PRKN: variants seen among roughly 807,000 people sequenced by gnomAD.
PRKN encodes the protein E3 ubiquitin-protein ligase parkin.
A neutral mutation model predicts 59.5 loss-of-function variants in PRKN; 56 were observed. The observed-to-expected ratio is 0.94, with a 90% CI of 0.76 to 1.18. The LOEUF (loss-of-function observed/expected upper bound fraction) is 1.18. Among genes scored for constraint, PRKN ranks in the 50% most tolerant of loss-of-function variants. PRKN has a pLI of 0.00. For synonymous variants in PRKN, 250 were observed against 222.1 expected (o/e 1.13, Z -1.12); for missense variants, 657 against 596.4 (o/e 1.10, Z -1.06).
intron 6 of PRKN, among the ~76,000 whole-genome samples, chr6:161,827,686 T>C (rs563356139): frequency 2.4e-4 from 37 of 152,128 alleles, no homozygotes; most frequent in African/African-American, 8.7e-4. Context: ...TTTTGTATTT[T>C]TAATAGAGAT....
chr6:162,356,946 C>A (rs1413330467), intron 2 of PRKN, among the ~76,000 whole-genome samples: 1 of 151,956 alleles, frequency 6.6e-6, no homozygotes, highest in Admixed American at 6.6e-5. Flanking sequence ...TAAATCATTA[C>A]AGTTTACATC....
chr6:162,422,762 T>C (rs200915990), intron 2 of PRKN, among the ~76,000 whole-genome samples: 1 of 151,906 alleles, frequency 6.6e-6, no homozygotes, highest in East Asian at 1.9e-4. Context: ...CCAGGCAACA[T>C]GGTGAAACCC....
rs553911147 is a variant in PRKN, at chr6:162,405,736, C to T, written c.171+37574G>A. 7.9e-5 allele frequency among the ~76,000 whole-genome samples: 12 copies of T among 152,136 alleles called. No individual in the cohort carries two copies. In the East Asian group the frequency reaches 1.2e-3, roughly 15 times the overall value. ...TGGCGTTGCAGGAGCCCAGAAGAAA[C>T]GCTACGCGGGGGTGTAGTGAGAATG... is the stretch of plus-strand genomic sequence containing the variant. On this transcript the variant is annotated intron_variant, in intron 2 of 11. Coordinates refer to ENST00000366898, the MANE Select transcript of PRKN (RefSeq NM_004562.3).
chr6:162,348,339 C>T (rs1411930829), intron 2 of PRKN, among the ~76,000 whole-genome samples: 1 of 152,000 alleles, frequency 6.6e-6, no homozygotes, highest in Non-Finnish European at 1.5e-5. Flanking sequence ...TAACTCGGTC[C>T]CAGAACAACG....
At chr6:162,195,903 C>T (rs571380784) in intron 4 of PRKN, among the ~76,000 whole-genome samples, 20 of 152,162 alleles carry the variant, frequency 1.3e-4, no homozygotes, top group Non-Finnish European at 2.8e-4. Context: ...TATTTCAAGA[C>T]CAGATGCTGT....
At chr6:161,914,761 C>T (rs918148157) in intron 6 of PRKN, among the ~76,000 whole-genome samples, 6 of 151,734 alleles carry the variant, frequency 4.0e-5, no homozygotes, top group African/African-American at 1.5e-4. Flanking sequence ...AAAAGAAAAG[C>T]ACATCCCCTG....
intron 4 of PRKN, among the ~76,000 whole-genome samples, chr6:162,113,019 T>C (rs1047808419): frequency 1.3e-5 from 2 of 152,168 alleles, no homozygotes; most frequent in East Asian, 3.9e-4. Context: ...AATACTTTCA[T>C]TTTCATGAAA....
chr6:162,236,268 T>C (rs1274652370), intron 3 of PRKN, among the ~76,000 whole-genome samples: 1 of 152,218 alleles, frequency 6.6e-6, no homozygotes, highest in Non-Finnish European at 1.5e-5. Context: ...AATGATTAGC[T>C]GGATTGCTTG....
chr6:162,303,318 C>T (rs9458503), intron 2 of PRKN, among the ~76,000 whole-genome samples: 18,680 of 152,114 alleles, frequency 0.12, 2,456 homozygotes, highest in African/African-American at 0.33. Context: ...TCACCTAAGA[C>T]AGCAAGTCTA....
chr6:161,917,388 G>A (rs1362929433), intron 6 of PRKN, among the ~76,000 whole-genome samples: 2 of 152,114 alleles, frequency 1.3e-5, no homozygotes, highest in African/African-American at 4.8e-5. Flanking sequence ...TTACAGGCAT[G>A]AGCCACTGCA....
intron 1 of PRKN, among the ~76,000 whole-genome samples, chr6:162,501,437 T>C (rs1288560247): frequency 6.7e-6 from 1 of 149,724 alleles, no homozygotes; most frequent in Non-Finnish European, 1.5e-5. Context: ...AGCCTCCACC[T>C]CCCTGGTTCA....
chr6:161,358,788 C>CGTT (rs1784863310), intron 11 of PRKN, among the ~76,000 whole-genome samples: 4 of 67,820 alleles, frequency 5.9e-5, no homozygotes, highest in Non-Finnish European at 2.6e-5. Context: ...GCCTTCTGCT[C>CGTT]TTTTTTTTTT....
intron 2 of PRKN, among the ~76,000 whole-genome samples, chr6:162,338,905 C>A (rs999104915): frequency 1.3e-5 from 2 of 150,742 alleles, no homozygotes; most frequent in African/African-American, 4.9e-5. Flanking sequence ...TGCCCCGCCG[C>A]CCCATCTGGG....
At chr6:162,688,863 CT>C (rs1009505581) in intron 1 of PRKN, among the ~76,000 whole-genome samples, 19 of 152,084 alleles carry the variant, frequency 1.2e-4, no homozygotes, top group African/African-American at 4.1e-4. Flanking sequence ...TGTGTTTTTA[CT>C]TTTTTCCCCC....
At chr6:162,539,235 T>C (rs1334532459) in intron 1 of PRKN, among the ~76,000 whole-genome samples, 2 of 152,120 alleles carry the variant, frequency 1.3e-5, no homozygotes, top group Admixed American at 6.6e-5. Context: ...AATTGCAAAA[T>C]AACATTTGTA....
intron 4 of PRKN, among the ~76,000 whole-genome samples, chr6:162,169,765 T>TGCAGCTCCCA (rs1783175084): frequency 6.6e-6 from 1 of 152,224 alleles, no homozygotes; most frequent in Non-Finnish European, 1.5e-5. Flanking sequence ...CAAAAAATAT[T>TGCAGCTCCCA]AAAGTCCTGT....
chr6:162,330,582 T>C (rs948635205), intron 2 of PRKN, among the ~76,000 whole-genome samples: 2 of 152,236 alleles, frequency 1.3e-5, no homozygotes, highest in African/African-American at 2.4e-5. Flanking sequence ...AAGTCTGCTA[T>C]GCATTCCTTC....
chr6:162,551,703 G>A (rs1401868148), intron 1 of PRKN, among the ~76,000 whole-genome samples: 1 of 151,942 alleles, frequency 6.6e-6, no homozygotes, highest in African/African-American at 2.4e-5. Context: ...TCATACAGAA[G>A]CTCCGGCCTC....
chr6:162,605,803 C>T (rs1302892221), intron 1 of PRKN, among the ~76,000 whole-genome samples: 1 of 152,098 alleles, frequency 6.6e-6, no homozygotes, highest in Non-Finnish European at 1.5e-5. Flanking sequence ...TTTACAATGT[C>T]TAGTGTACAA....
Sources: gnomAD v4.1 joint callset for allele counts (sites outside exome capture counted in the v4.1 genomes callset) on GRCh38, gnomAD v4.1.1 for gene constraint, MANE v1.5 for transcripts, NCBI Gene and HGNC (gene_info 2026-07-23, HGNC 2026-07-21) for gene names.